The following BNIP2 variants were observed in gnomAD, a reference collection of about 807,000 sequenced individuals.
BNIP2 encodes the protein BCL2 interacting protein 2, also known as BCL2/adenovirus E1B 19 kDa protein-interacting protein 2.
A neutral mutation model predicts 43.4 loss-of-function variants in BNIP2; 36 were observed. The observed-to-expected ratio is 0.83, with a 90% confidence interval of 0.64 to 1.10. The LOEUF (loss-of-function observed/expected upper bound fraction) is 1.10. Among genes scored for constraint, BNIP2 ranks in the 50% least tolerant of loss-of-function variants. BNIP2 has a pLI of 0.00. For synonymous variants in BNIP2, 146 were observed against 121.0 expected (o/e 1.21, Z -1.35); for missense variants, 417 against 374.1 (o/e 1.11, Z -0.95).
intron 6 of BNIP2, 43 bp from the exon 7 acceptor site, chr15:59,671,357 C>A (rs781469471): frequency 1.3e-6 from 2 of 1,516,160 alleles, no homozygotes; most frequent in Middle Eastern, 2.1e-4. Flanking sequence ...AATCACTGTG[C>A]ATAACTGAAC....
chr15:59,684,737 G>C (rs1467425146), intron 1 of BNIP2, among the ~76,000 whole-genome samples: 1 of 152,118 alleles, frequency 6.6e-6, no homozygotes, highest in Non-Finnish European at 1.5e-5. Context: ...CTATTATCTT[G>C]TCGTACCTTT....
At chr15:59,681,384 G>A (rs566763376) in intron 2 of BNIP2, among the ~76,000 whole-genome samples, 119 of 151,174 alleles carry the variant, frequency 7.9e-4, no homozygotes, top group Non-Finnish European at 1.5e-3. Flanking sequence ...GGCCAGATAA[G>A]CTAGAAAATC....
intron 3 of BNIP2, 76 bp from the exon 4 acceptor site, chr15:59,679,844 A>G: frequency 2.4e-6 from 3 of 1,241,282 alleles, no homozygotes; most frequent in Non-Finnish European, 3.2e-6. Context: ...AAAAATTTTA[A>G]CTACCCCATT....
intron 5 of BNIP2, among the ~76,000 whole-genome samples, chr15:59,673,350 G>A (rs768263480): frequency 2.0e-5 from 3 of 151,450 alleles, no homozygotes; most frequent in Non-Finnish European, 4.4e-5. Context: ...TCCTGACCTC[G>A]TGATCTGCCT....
Position 59,668,031 on chromosome 15 carries a change from C to A in BNIP2, c.893+861G>T, listed in dbSNP as rs1892668267. The A allele has an allele frequency of 2.9e-6, 3 of 1,046,228 alleles. No homozygotes were observed. The African/African-American group carries it at 5.1e-5, about 18-fold the overall frequency. The allele number at this position is 1,046,228 out of a possible 1,614,324, so 64.8% of individuals were successfully genotyped here. A position where few individuals can be genotyped will look rare whatever the true frequency, so the allele number is the denominator to read the frequency against. ...TTATCTTTGTCTACAAGCTAACCAA[C>A]CAATAAGGAAGAGTTAGTCTGCAAT... On this transcript the variant is annotated intron_variant, in intron 9 of 9. Transcript: ENST00000607373.
rs936681730 is a variant in BNIP2 at position 59,677,471 on chromosome 15, C to A, written c.472+440G>T. 29 of 1,416,370 alleles carry A rather than the reference C, an allele frequency of 2.0e-5. No homozygotes were observed. In the East Asian group the frequency reaches 3.0e-4, roughly 15 times the overall value. The allele number at this position is 1,416,370 out of a possible 1,614,324, so 87.7% of individuals were successfully genotyped here. A position where few individuals can be genotyped will look rare whatever the true frequency, so the allele number is the denominator to read the frequency against. Reference sequence around the variant, plus strand: ...CATCTCAGAGCCATAGAGCAGGTGACTGGAAATCTAACTCAGTATATTTCC... The same window carrying A: ...CATCTCAGAGCCATAGAGCAGGTGAATGGAAATCTAACTCAGTATATTTCC... On this transcript the variant is annotated intron_variant, in intron 5 of 9. Coordinates refer to ENST00000607373, the MANE Select transcript of BNIP2 (RefSeq NM_004330.4).
At chr15:59,677,706 G>C (rs1279327482) in intron 5 of BNIP2, 2 of 1,144,448 alleles carry the variant, frequency 1.7e-6, no homozygotes, top group African/African-American at 3.2e-5. Context: ...TTTTCCATTA[G>C]TGCCCCTTGT....
intron 5 of BNIP2, chr15:59,676,900 G>A (rs1274212293): frequency 6.2e-7 from 1 of 1,601,330 alleles, no homozygotes; most frequent in East Asian, 2.3e-5. Flanking sequence ...CCTGCACGGT[G>A]TGGCTGGCAG....
chr15:59,685,370 G>A (rs911392261), intron 1 of BNIP2, among the ~76,000 whole-genome samples: 2 of 152,192 alleles, frequency 1.3e-5, no homozygotes, highest in African/African-American at 4.8e-5. Context: ...GCGTGGTGGC[G>A]CCTGCCTGTA....
rs370271258 is a variant in BNIP2, at chr15:59,672,757, G to C, written c.473-18C>G. On this transcript the variant is annotated intron_variant, in intron 5 of 9. Transcript: ENST00000607373. The stretch of plus-strand genomic sequence containing the variant: ...ATAATATCCTAAAAAAGAAACCAAA[G>C]ACAGTATCACCAGCACGATTTTACT... The C allele has an allele frequency of 1.3e-6, 2 of 1,594,032 alleles. No homozygotes were observed. Among genetic ancestry groups the C allele is most frequent in the African/African-American group, 1.3e-5 (1 of 74,544 alleles).
At chr15:59,665,180 C>T (rs983413216) in intron 9 of BNIP2, among the ~76,000 whole-genome samples, 6 of 151,952 alleles carry the variant, frequency 3.9e-5, no homozygotes, top group Non-Finnish European at 8.8e-5. Flanking sequence ...AGGAGAACCG[C>T]TTGAACCCAG....
intron 1 of BNIP2, chr15:59,688,581 T>G: frequency 1.1e-6 from 1 of 924,816 alleles, no homozygotes; most frequent in Admixed American, 2.4e-5. Context: ...TGCCAGGTAT[T>G]TAAACAGAAA....
In BNIP2 at chr15:59,672,727, T is replaced by C; in HGVS notation, c.485A>G (p.Asp162Gly). 1 of 1,613,438 alleles carries C rather than the reference T, an allele frequency of 6.2e-7. No homozygotes were observed. The highest frequency in any genetic ancestry group is 8.5e-7 in the Non-Finnish European group (1 of 1,179,554). ...AAACACAACAATGGCATTTAATCCA[T>C]CCCCATAATATCCTAAAAAAGAAAC... ...KVISHGGYYG[D>G]GLNAIVVFAV... The change falls in exon 6 of 10, where the codon GAT becomes GGT. Residue 162 changes from aspartate to glycine, a missense_variant. By Grantham distance (94) the Asp-to-Gly change is moderately conservative. Coordinates refer to ENST00000607373, the MANE Select transcript of BNIP2 (RefSeq NM_004330.4).
intron 1 of BNIP2, 59 bp downstream of exon 1, chr15:59,689,076 G>A (rs1017465535): frequency 8.0e-6 from 12 of 1,503,790 alleles, no homozygotes; most frequent in South Asian, 1.3e-5. Context: ...TTCGCCCCTA[G>A]GCCGGTTCCC....
intron 5 of BNIP2, 164 bp downstream of exon 5, chr15:59,677,747 G>C (rs1282690223): frequency 8.6e-7 from 1 of 1,164,694 alleles, no homozygotes; most frequent in East Asian, 2.8e-5. Flanking sequence ...AGCCCTCCAG[G>C]AACTGGTTAG....
intron 1 of BNIP2, among the ~76,000 whole-genome samples, chr15:59,687,389 T>A (rs1276245681): frequency 2.7e-5 from 4 of 150,160 alleles, no homozygotes; most frequent in African/African-American, 9.8e-5. Flanking sequence ...TCTCACTCTG[T>A]CGCCCAGGCT....
rs1378331324 is a variant in BNIP2, at chr15:59,676,735, C to T, written c.472+1176G>A. The T allele has an allele frequency of 1.1e-5, 14 of 1,247,392 alleles. No individual in the cohort carries two copies. In the East Asian group the frequency reaches 2.5e-4, roughly 23 times the overall value. 77.3% of individuals were successfully genotyped at this position (1,247,392 alleles called of 1,614,324 possible). A position where few individuals can be genotyped will look rare whatever the true frequency, so the allele number is the denominator to read the frequency against. On this transcript the variant is annotated intron_variant, in intron 5 of 9. Coordinates refer to ENST00000607373, the MANE Select transcript of BNIP2 (RefSeq NM_004330.4). The stretch of plus-strand genomic sequence containing the variant: ...CAGTGGAGTGCCGCGCGGTGCGGTG[C>T]GGGCGGCAGAGTTGGGGTGTCATGG...
intron 9 of BNIP2, 52 bp downstream of exon 9, chr15:59,668,840 C>T (rs957985146): frequency 2.8e-6 from 4 of 1,440,108 alleles, no homozygotes; most frequent in Non-Finnish European, 1.9e-6. Flanking sequence ...TTATCCATTG[C>T]ACATCAAAAT....
chr15:59,685,961 A>T (rs1333775963), intron 1 of BNIP2, among the ~76,000 whole-genome samples: 1 of 152,036 alleles, frequency 6.6e-6, no homozygotes, highest in Non-Finnish European at 1.5e-5. Context: ...TTTTTTTGGA[A>T]ATTAGAATGG....
Sources: gnomAD v4.1 joint callset for allele counts (sites outside exome capture counted in the v4.1 genomes callset) on GRCh38, gnomAD v4.1.1 for gene constraint, MANE v1.5 for transcripts, NCBI Gene and HGNC (gene_info 2026-07-23, HGNC 2026-07-21) for gene names.